GDPD4: variants seen among roughly 807,000 people sequenced by gnomAD.
GDPD4 encodes the protein glycerophosphodiester phosphodiesterase 6.
GDPD4 carries 60 observed loss-of-function variants against 67.8 expected under a neutral mutation model. The ratio of observed to expected loss-of-function variants is 0.88; its 90% CI spans 0.72 to 1.10. GDPD4 has a LOEUF of 1.10. GDPD4 is among the 50% of genes least tolerant of loss of function. The pLI, the probability that GDPD4 is intolerant of heterozygous loss-of-function variation, is 0.00. For missense variants in GDPD4, 623 were observed against 613.9 expected (o/e 1.01, Z -0.16); for synonymous variants, 212 against 210.9 (o/e 1.00, Z -0.04).
intron 3 of GDPD4, among the ~76,000 whole-genome samples, chr11:77,284,714 G>C (rs1413191039): frequency 6.6e-6 from 1 of 152,134 alleles, no homozygotes; most frequent in Non-Finnish European, 1.5e-5. Context: ...GAGAAGGCAG[G>C]GTTCAGGGAT....
chr11:77,218,539 A>C (rs1361739579), intron 16 of GDPD4, among the ~76,000 whole-genome samples: 1 of 151,996 alleles, frequency 6.6e-6, no homozygotes, highest in African/African-American at 2.4e-5. Flanking sequence ...TCCCTCCCCC[A>C]TACCCCCACC....
intron 10 of GDPD4, among the ~76,000 whole-genome samples, chr11:77,268,072 T>C (rs1959186731): frequency 6.6e-6 from 1 of 152,148 alleles, no homozygotes; most frequent in Admixed American, 6.5e-5. Context: ...CTTTTAGGTA[T>C]GACTACATCT....
rs1005481142 is a variant in GDPD4, at chr11:77,216,796, G to T, written c.*481C>A. On this transcript the variant is annotated 3_prime_UTR_variant, in exon 17 of 17. Coordinates refer to ENST00000315938, the MANE Select transcript of GDPD4 (RefSeq NM_182833.3). ...CCACTCCCCACCATCACCACCCTTA[G>T]GCAGAGAGAGGAAGAAGCAGGGGAG... 2 of 612,180 alleles carry T rather than the reference G, an allele frequency of 3.3e-6. No homozygotes were observed. Among genetic ancestry groups the T allele is most frequent in the Non-Finnish European group, 5.8e-6 (2 of 345,078 alleles). 37.9% of individuals were successfully genotyped at this position (612,180 alleles called of 1,614,324 possible).
intron 5 of GDPD4, among the ~76,000 whole-genome samples, chr11:77,275,742 G>A (rs186198900): frequency 1.8e-4 from 27 of 152,230 alleles, no homozygotes; most frequent in African/African-American, 6.5e-4. Context: ...AAATAGGGGA[G>A]GGGAAACATT....
intron 9 of GDPD4, 123 bp downstream of exon 9, chr11:77,268,801 A>G: frequency 9.7e-7 from 1 of 1,026,408 alleles, no homozygotes; most frequent in Non-Finnish European, 1.5e-6. Flanking sequence ...TGAACTCTTT[A>G]TTCTTGCCAT....
intron 14 of GDPD4, among the ~76,000 whole-genome samples, chr11:77,230,552 G>C (rs1231207259): frequency 6.6e-6 from 1 of 152,148 alleles, no homozygotes; most frequent in African/African-American, 2.4e-5. Flanking sequence ...TTAAGTTCCT[G>C]TTCTGCTTAA....
intron 13 of GDPD4, among the ~76,000 whole-genome samples, chr11:77,242,501 A>C (rs1004893177): frequency 2.6e-5 from 4 of 152,188 alleles, no homozygotes; most frequent in African/African-American, 9.6e-5. Context: ...TAATTTACAA[A>C]GGAGAAAACT....
chr11:77,221,972 A>AC (rs1958235025), intron 16 of GDPD4, among the ~76,000 whole-genome samples: 1 of 152,070 alleles, frequency 6.6e-6, no homozygotes, highest in Admixed American at 6.5e-5. Flanking sequence ...TGATCCCTTT[A>AC]CCATTATGTA....
intron 14 of GDPD4, among the ~76,000 whole-genome samples, chr11:77,232,755 A>G (rs1958477074): frequency 1.3e-5 from 2 of 152,238 alleles, no homozygotes. Context: ...GAAGATGATA[A>G]CAGTGGCCAA....
chr11:77,294,732 G>A (rs1338383253), intron 1 of GDPD4, among the ~76,000 whole-genome samples: 2 of 152,106 alleles, frequency 1.3e-5, no homozygotes, highest in Non-Finnish European at 2.9e-5. Context: ...AACTACCTGA[G>A]TTCAAGACTT....
chr11:77,297,987 A>C (rs1938032361), intron 1 of GDPD4, among the ~76,000 whole-genome samples: 1 of 152,170 alleles, frequency 6.6e-6, no homozygotes, highest in Admixed American at 6.6e-5. Flanking sequence ...CATGGAGAAT[A>C]GAGTGATTAA....
In GDPD4 at chr11:77,216,790, C is replaced by G; in HGVS notation, c.*487G>C. On this transcript the variant is annotated 3_prime_UTR_variant, in exon 17 of 17. Transcript: ENST00000315938. ...TATCAACCACTCCCCACCATCACCA[C>G]CCTTAGGCAGAGAGAGGAAGAAGCA... The G allele has an allele frequency of 1.6e-6, 1 of 611,418 alleles. No individual in the cohort carries two copies. The allele number at this position is 611,418 out of a possible 1,614,324, so 37.9% of individuals were successfully genotyped here. A position where few individuals can be genotyped will look rare whatever the true frequency, so the allele number is the denominator to read the frequency against.
In GDPD4 at chr11:77,297,224, T is replaced by G. The variant is rs115640846; in HGVS notation, c.-254+4381A>C. ...AAATATATGGGGTTATATTTTCCTGTATATTTTAAATAGTTCATAATTTAA... is the reference window on the plus strand; with the variant it reads ...AAATATATGGGGTTATATTTTCCTGGATATTTTAAATAGTTCATAATTTAA... On this transcript the variant is annotated intron_variant, in intron 1 of 16. Transcript: ENST00000315938. Among the ~76,000 whole-genome samples the G allele has an allele frequency of 9.7e-3, 1,468 of 152,062 alleles. 30 individuals are homozygous for G. The highest frequency in any genetic ancestry group is 0.034 in the African/African-American group (1,407 of 41,450).
intron 13 of GDPD4, among the ~76,000 whole-genome samples, chr11:77,238,052 G>C (rs936873105): frequency 3.3e-5 from 5 of 152,160 alleles, no homozygotes; most frequent in African/African-American, 1.2e-4. Flanking sequence ...ACTGAAGTCA[G>C]TGTGAAAATT....
chr11:77,233,446 G>GGAAA lies in GDPD4; in HGVS notation c.1242-275_1242-274insTTTC, dbSNP rs34738067. Among the ~76,000 whole-genome samples, 3 of 100,408 alleles carry GGAAA rather than the reference G, an allele frequency of 3.0e-5. No individual in the cohort carries two copies. In the Admixed American group the frequency reaches 3.2e-4, roughly 11 times the overall value. The allele number at this position is 100,408 out of a possible 152,430, so 65.9% of individuals were successfully genotyped here. A position where few individuals can be genotyped will look rare whatever the true frequency, so the allele number is the denominator to read the frequency against. ...TAAAAAGGAAGAAAGAAAACATATT[G>GGAAA]AAAAAAAAAAAAAAAAAAAGAATGG... On this transcript the variant is annotated intron_variant, in intron 13 of 16. Coordinates refer to ENST00000315938, the MANE Select transcript of GDPD4 (RefSeq NM_182833.3).
At chr11:77,255,517 T>C (rs1958986699) in intron 11 of GDPD4, among the ~76,000 whole-genome samples, 1 of 151,980 alleles carries the variant, frequency 6.6e-6, no homozygotes, top group South Asian at 2.1e-4. Context: ...TGTGCCGAGA[T>C]CATGCCACTG....
rs749481620 is a variant in GDPD4, at chr11:77,217,172, T to C, written c.*105A>G. 1.2e-6 allele frequency: 1 copy of C among 853,432 alleles called. No homozygotes were observed. Among genetic ancestry groups the C allele is most frequent in the Non-Finnish European group, 2.1e-6 (1 of 486,452 alleles). 52.9% of individuals were successfully genotyped at this position (853,432 alleles called of 1,614,324 possible). A position where few individuals can be genotyped will look rare whatever the true frequency, so the allele number is the denominator to read the frequency against. On this transcript the variant is annotated 3_prime_UTR_variant, in exon 17 of 17. Coordinates refer to ENST00000315938, the MANE Select transcript of GDPD4 (RefSeq NM_182833.3). ...TGCTGCAAAATTGAAATGGCCTTGGTGTTCCTTTCCACTCTTGGGTAGAGC... is the reference window on the plus strand; with the variant it reads ...TGCTGCAAAATTGAAATGGCCTTGGCGTTCCTTTCCACTCTTGGGTAGAGC...
chr11:77,270,998 G>C, intron 7 of GDPD4, 132 bp downstream of exon 7: 2 of 660,338 alleles, frequency 3.0e-6, no homozygotes, highest in East Asian at 2.8e-5. Context: ...GAGCATGCCT[G>C]AGTAACAAGC....
intron 1 of GDPD4, among the ~76,000 whole-genome samples, chr11:77,298,060 G>A (rs1327916161): frequency 6.6e-6 from 1 of 151,332 alleles, no homozygotes; most frequent in African/African-American, 2.4e-5. Context: ...AAAAGACAGG[G>A]AAAATAAAGA....
Sources: allele counts gnomAD v4.1 joint callset (sites outside exome capture counted in the v4.1 genomes callset), GRCh38; gene constraint gnomAD v4.1.1; transcripts MANE v1.5; gene names NCBI Gene and HGNC (gene_info 2026-07-23, HGNC 2026-07-21).